ACTR10: variants seen among roughly 807,000 people sequenced by gnomAD.
The protein encoded by ACTR10 is actin-related protein 10.
In ACTR10, 43 loss-of-function variants were observed where a neutral mutation model predicts 56.2. That is an observed-to-expected ratio of 0.77 (90% CI 0.60 to 0.99). The LOEUF is 0.99. Among genes scored for constraint, ACTR10 ranks in the 50% least tolerant of loss-of-function variants. The pLI is 0.00. For missense variants in ACTR10, 466 were observed against 507.8 expected, an observed-to-expected ratio of 0.92 and a Z score of 0.79; for synonymous variants, 170 against 176.3, an observed-to-expected ratio of 0.96 and a Z score of 0.28.
intron 4 of ACTR10, among the ~76,000 whole-genome samples, chr14:58,210,872 A>G (rs1219871805): frequency 1.3e-5 from 2 of 152,024 alleles, no homozygotes; most frequent in African/African-American, 4.8e-5. Flanking sequence ...ACAAGGTTTC[A>G]CCATGTTGGT....
At chr14:58,200,325 C>T (rs1888674877) in intron 1 of ACTR10, 31 bp downstream of exon 1, 2 of 1,468,414 alleles carry the variant, frequency 1.4e-6, no homozygotes, top group Middle Eastern at 1.8e-4. Context: ...CTGTGTTCGA[C>T]CCGAGGGGAG....
intron 7 of ACTR10, among the ~76,000 whole-genome samples, chr14:58,217,665 CAAAAA>C (rs1387060445): frequency 1.3e-5 from 1 of 76,648 alleles, no homozygotes; most frequent in Non-Finnish European, 2.8e-5. Flanking sequence ...GACTCCGTCT[CAAAAA>C]AAAAAAAAAA....
Position 58,223,660 on chromosome 14 carries a change from A to G in ACTR10, c.673A>G (p.Lys225Glu). Residue 225 changes from lysine (K) to glutamate (E), a missense_variant, in exon 9 of 13, where the codon AAA becomes GAA. Physicochemically the swap from Lys to Glu is moderately conservative, Grantham distance 56. Transcript: ENST00000254286. Reference protein sequence around the residue: ...CFVSDLKRGLKIQAAKFNIDG... With the variant: ...CFVSDLKRGLEIQAAKFNIDG... The stretch of plus-strand genomic sequence containing the variant: ...TGTAAGTGATCTGAAGCGAGGACTA[A>G]AAATCCAAGCAGCAAAATTTAATAT... 1 of 1,613,630 alleles carries G rather than the reference A, an allele frequency of 6.2e-7. No homozygotes were observed. The highest frequency in any genetic ancestry group is 8.5e-7 in the Non-Finnish European group (1 of 1,179,872).
chr14:58,211,430 A>G (rs1416183525), intron 5 of ACTR10, 31 bp downstream of exon 5: 17 of 1,471,892 alleles, frequency 1.2e-5, no homozygotes, highest in Non-Finnish European at 1.6e-5. Flanking sequence ...CCACCTTTGC[A>G]GTTTTTACTC....
chr14:58,234,272 A>G (rs1488752712), intron 12 of ACTR10, 98 bp from the exon 13 acceptor site: 2 of 1,023,294 alleles, frequency 2.0e-6, no homozygotes, highest in African/African-American at 3.2e-5. Flanking sequence ...GAATTTTACC[A>G]GTCCACTTTT....
At chr14:58,211,196 C>T in intron 4 of ACTR10, 96 bp from the exon 5 acceptor site, 2 of 847,394 alleles carry the variant, frequency 2.4e-6, no homozygotes, top group Non-Finnish European at 3.9e-6. Flanking sequence ...TATAATGTTC[C>T]TGTGAATTTT....
At chr14:58,231,323 C>T (rs1478868428) in intron 11 of ACTR10, among the ~76,000 whole-genome samples, 1 of 151,758 alleles carries the variant, frequency 6.6e-6, no homozygotes, top group African/African-American at 2.4e-5. Context: ...AAGGGCTGTA[C>T]AGGCGTGAGC....
At chr14:58,233,194 T>C (rs1011613134) in intron 12 of ACTR10, among the ~76,000 whole-genome samples, 4 of 152,188 alleles carry the variant, frequency 2.6e-5, no homozygotes, top group Admixed American at 2.0e-4. Flanking sequence ...AAAATGTTCA[T>C]TTTAATGTCT....
At chr14:58,203,347 T>C (rs934016201) in intron 2 of ACTR10, among the ~76,000 whole-genome samples, 2 of 149,102 alleles carry the variant, frequency 1.3e-5, no homozygotes, top group African/African-American at 4.9e-5. Flanking sequence ...ACTAAATATA[T>C]ACTTTGTGGC....
intron 7 of ACTR10, among the ~76,000 whole-genome samples, chr14:58,217,652 G>A (rs1008433095): frequency 1.1e-4 from 16 of 150,774 alleles, no homozygotes; most frequent in African/African-American, 3.7e-4. Context: ...GGTGACAGAG[G>A]GAGACTCCGT....
At chr14:58,217,505 A>AT (rs974445647) in intron 7 of ACTR10, among the ~76,000 whole-genome samples, 6 of 151,868 alleles carry the variant, frequency 4.0e-5, no homozygotes, top group Admixed American at 3.3e-4. Context: ...CTGTTTCTAC[A>AT]TAAAAAAAAA....
At chr14:58,200,739 G>A (rs1011926455) in intron 1 of ACTR10, among the ~76,000 whole-genome samples, 4 of 152,186 alleles carry the variant, frequency 2.6e-5, no homozygotes, top group South Asian at 2.1e-4. Context: ...TTTAAGACAG[G>A]GCTATCGCTG....
chr14:58,201,308 T>A lies in ACTR10; in HGVS notation c.77+1014T>A, dbSNP rs1284955630. On this transcript the variant is annotated intron_variant, in intron 1 of 12. Transcript: ENST00000254286. ...TATTTATATTTTCTTATTAAAATTA[T>A]TTTGAAAGCGTAATAAACAGTTCGA... Among the ~76,000 whole-genome samples the A allele has an allele frequency of 3.9e-5, 6 of 152,242 alleles. No individual in the cohort carries two copies. In the East Asian group the frequency reaches 1.2e-3, roughly 29 times the overall value.
chr14:58,233,033 G>T (rs1347213314), intron 12 of ACTR10, among the ~76,000 whole-genome samples: 1 of 151,856 alleles, frequency 6.6e-6, no homozygotes, highest in African/African-American at 2.4e-5. Flanking sequence ...ACCACGCCTG[G>T]CTAAGTTTTT....
At chr14:58,210,322 A>C (rs1355302361) in intron 4 of ACTR10, among the ~76,000 whole-genome samples, 1 of 152,042 alleles carries the variant, frequency 6.6e-6, no homozygotes, top group Non-Finnish European at 1.5e-5. Flanking sequence ...CTTTGGTTTA[A>C]TTTTAACTGC....
At chr14:58,234,302 G>A (rs1242102860) in intron 12 of ACTR10, 68 bp from the exon 13 acceptor site, 6 of 1,362,438 alleles carry the variant, frequency 4.4e-6, no homozygotes, top group Non-Finnish European at 6.0e-6. Context: ...TGAAGTAGAT[G>A]TATGTGTACA....
chr14:58,210,449 T>A (rs1271551989), intron 4 of ACTR10, among the ~76,000 whole-genome samples: 1 of 152,094 alleles, frequency 6.6e-6, no homozygotes, highest in Non-Finnish European at 1.5e-5. Context: ...TGAGCTGTGA[T>A]TGCACCACTG....
At chr14:58,215,583 C>A (rs1341809246) in intron 7 of ACTR10, among the ~76,000 whole-genome samples, 1 of 151,896 alleles carries the variant, frequency 6.6e-6, no homozygotes, top group Non-Finnish European at 1.5e-5. Flanking sequence ...CCCAAATATT[C>A]CTCTGGTTTC....
intron 2 of ACTR10, among the ~76,000 whole-genome samples, chr14:58,204,024 CCA>C (rs1888794234): frequency 6.6e-6 from 1 of 152,034 alleles, no homozygotes; most frequent in Non-Finnish European, 1.5e-5. Flanking sequence ...ATTGATGCCT[CCA>C]CAAAATTTAA....
Sources: gnomAD v4.1 joint callset for allele counts (sites outside exome capture counted in the v4.1 genomes callset) on GRCh38, gnomAD v4.1.1 for gene constraint, MANE v1.5 for transcripts, NCBI Gene and HGNC (gene_info 2026-07-23, HGNC 2026-07-21) for gene names.